Variants in MKX observed in about 807,000 individuals in gnomAD.
MKX encodes the protein mohawk homeobox, also known as homeobox protein Mohawk.
A neutral mutation model predicts 36.0 loss-of-function variants in MKX; 13 were observed. The observed-to-expected ratio is 0.36, with a 90% CI of 0.24 to 0.57. The LOEUF (loss-of-function observed/expected upper bound fraction) is 0.57, where lower values mean the gene tolerates loss of function less well. Ranked by LOEUF, MKX falls within the 20% of genes least tolerant of loss-of-function variation. MKX has a pLI of 0.79. For synonymous variants in MKX, 176 were observed against 178.3 expected, an observed-to-expected ratio of 0.99 and a Z score of 0.10; for missense variants, 458 against 456.4, an observed-to-expected ratio of 1.00 and a Z score of -0.03.
At chr10:27,727,377 T>A (rs915325315) in intron 5 of MKX, among the ~76,000 whole-genome samples, 3 of 152,248 alleles carry the variant, frequency 2.0e-5, no homozygotes, top group Non-Finnish European at 4.4e-5. Flanking sequence ...ATATTTCTTT[T>A]TTCTTTTCTT....
chr10:27,736,650 T>C (rs1449190384), intron 3 of MKX, among the ~76,000 whole-genome samples: 1 of 152,068 alleles, frequency 6.6e-6, no homozygotes, highest in Non-Finnish European at 1.5e-5. Flanking sequence ...CTTTTTTTTT[T>C]CTAGATTTAT....
chr10:27,707,579 G>A (rs1836779650), intron 5 of MKX, among the ~76,000 whole-genome samples: 1 of 152,110 alleles, frequency 6.6e-6, no homozygotes, highest in Admixed American at 6.6e-5. Context: ...GAAAGGGGAG[G>A]TATTAATAAA....
chr10:27,713,365 G>C (rs528345646), intron 5 of MKX, among the ~76,000 whole-genome samples: 48 of 152,336 alleles, frequency 3.2e-4, no homozygotes, highest in African/African-American at 1.1e-3. Context: ...GAAGAAGGAT[G>C]CAAGGCTTTT....
chr10:27,721,768 A>G (rs965362934), intron 5 of MKX, among the ~76,000 whole-genome samples: 2 of 152,224 alleles, frequency 1.3e-5, no homozygotes, highest in Non-Finnish European at 2.9e-5. Flanking sequence ...CTGCACATGT[A>G]TCCCAGAACT....
At chr10:27,721,691 G>A (rs995504622) in intron 5 of MKX, among the ~76,000 whole-genome samples, 2 of 152,094 alleles carry the variant, frequency 1.3e-5, no homozygotes, top group Non-Finnish European at 1.5e-5. Context: ...TAATACCTAG[G>A]TGAGGGGTTG....
intron 5 of MKX, among the ~76,000 whole-genome samples, chr10:27,733,647 A>G (rs1834684131): frequency 6.6e-6 from 1 of 152,096 alleles, no homozygotes; most frequent in African/African-American, 2.4e-5. Context: ...ATTTGCTGAC[A>G]TTTTCAGGAC....
At chr10:27,715,868 G>A (rs147439693) in intron 5 of MKX, among the ~76,000 whole-genome samples, 1 of 151,652 alleles carries the variant, frequency 6.6e-6, no homozygotes, top group East Asian at 2.0e-4. Context: ...TGGGCTGGGG[G>A]CTGGGCATAG....
chr10:27,705,159 G>T (rs183762873), intron 5 of MKX, among the ~76,000 whole-genome samples: 16 of 152,120 alleles, frequency 1.1e-4, no homozygotes, highest in African/African-American at 3.9e-4. Flanking sequence ...CAGGCTGTAA[G>T]AAAACAAGGA....
At chr10:27,730,432 T>C (rs957388976) in intron 5 of MKX, among the ~76,000 whole-genome samples, 1 of 151,466 alleles carries the variant, frequency 6.6e-6, no homozygotes, top group Non-Finnish European at 1.5e-5. Flanking sequence ...TGATACATTA[T>C]CCTTTCTCAC....
Position 27,692,264 on chromosome 10 carries a change from G to A in MKX, c.839-16710C>T, listed in dbSNP as rs540669212. Among the ~76,000 whole-genome samples the A allele has an allele frequency of 1.1e-4, 17 of 152,180 alleles. No homozygotes were observed. The South Asian group carries it at 3.1e-3, about 28-fold the overall frequency. On this transcript the variant is annotated intron_variant, in intron 5 of 6. Transcript: ENST00000419761. ...TATAATACCTCTAAAAATTCTTTTT[G>A]TCAGGTGAGGTGGTAAAACATCTCA...
intron 5 of MKX, among the ~76,000 whole-genome samples, chr10:27,719,978 CAAAA>C (rs201683975): frequency 4.7e-5 from 4 of 84,568 alleles, no homozygotes; most frequent in African/African-American, 3.5e-5. Flanking sequence ...AACAGAGTCT[CAAAA>C]AAAAAAAAAA....
At chr10:27,690,759 A>G (rs1419546633) in intron 5 of MKX, among the ~76,000 whole-genome samples, 1 of 152,148 alleles carries the variant, frequency 6.6e-6, no homozygotes, top group Non-Finnish European at 1.5e-5. Flanking sequence ...CAAGCTCCAT[A>G]AAGGTACTAA....
chr10:27,714,126 C>T (rs955699604), intron 5 of MKX, among the ~76,000 whole-genome samples: 1 of 151,392 alleles, frequency 6.6e-6, no homozygotes, highest in Non-Finnish European at 1.5e-5. Flanking sequence ...AAGGGAGGAA[C>T]AGCTCCAAAA....
intron 5 of MKX, among the ~76,000 whole-genome samples, chr10:27,713,256 T>A (rs898465191): frequency 6.6e-6 from 1 of 152,212 alleles, no homozygotes; most frequent in African/African-American, 2.4e-5. Context: ...GGATTGCTAT[T>A]TAGATCAAAA....
intron 5 of MKX, among the ~76,000 whole-genome samples, chr10:27,715,872 G>A (rs1202330501): frequency 6.6e-6 from 1 of 151,442 alleles, no homozygotes; most frequent in Non-Finnish European, 1.5e-5. Flanking sequence ...CTGGGGGCTG[G>A]GCATAGCATA....
intron 5 of MKX, among the ~76,000 whole-genome samples, chr10:27,678,553 C>A (rs1836196377): frequency 6.6e-6 from 1 of 152,038 alleles, no homozygotes; most frequent in Non-Finnish European, 1.5e-5. Context: ...CCTACCTGAA[C>A]TGTCAATCTC....
chr10:27,712,563 C>T (rs558203962), intron 5 of MKX, among the ~76,000 whole-genome samples: 46 of 152,160 alleles, frequency 3.0e-4, no homozygotes, highest in African/African-American at 1.1e-3. Flanking sequence ...GCTGGAGACC[C>T]TGGGAGGTGA....
rs1325764211 is a variant in MKX at position 27,675,102 on chromosome 10, T to A, written c.*127A>T. 1 of 779,080 alleles carries A rather than the reference T, an allele frequency of 1.3e-6. No homozygotes were observed. Among genetic ancestry groups the A allele is most frequent in the African/African-American group, 1.7e-5 (1 of 57,378 alleles). The allele number at this position is 779,080 out of a possible 1,614,324, so 48.3% of individuals were successfully genotyped here. ...TTTATAGAAGCAACTAAATGATATA[T>A]TTGGGATAATTAAAAATAAGAAGAG... On this transcript the variant is annotated 3_prime_UTR_variant, in exon 7 of 7. Coordinates refer to ENST00000419761, the MANE Select transcript of MKX (RefSeq NM_173576.3).
intron 5 of MKX, among the ~76,000 whole-genome samples, chr10:27,691,142 G>A (rs552898144): frequency 6.6e-6 from 1 of 152,250 alleles, no homozygotes; most frequent in East Asian, 1.9e-4. Context: ...TATCTTTATA[G>A]CCATGTGAGA....
Sources: gnomAD v4.1 joint callset for allele counts (sites outside exome capture counted in the v4.1 genomes callset) on GRCh38, gnomAD v4.1.1 for gene constraint, MANE v1.5 for transcripts, NCBI Gene and HGNC (gene_info 2026-07-23, HGNC 2026-07-21) for gene names.